YAF2: variants seen among roughly 807,000 people sequenced by gnomAD.
YAF2 encodes YY1 associated factor 2.
A neutral mutation model predicts 20.1 loss-of-function variants in YAF2; 7 were observed. That is an observed-to-expected ratio of 0.35 (90% CI 0.20 to 0.65). YAF2 has a LOEUF of 0.65. Ranked by LOEUF, YAF2 falls within the 30% of genes least tolerant of loss-of-function variation. The pLI is 0.69. For synonymous variants in YAF2, 74 were observed against 76.0 expected (o/e 0.97, Z 0.14); for missense variants, 151 against 219.2 (o/e 0.69, Z 1.96).
In YAF2 at chr12:42,162,733, T is replaced by C. The variant is rs538597494; in HGVS notation, c.153-968A>G. Among the ~76,000 whole-genome samples, 4 of 152,262 alleles carry C rather than the reference T, an allele frequency of 2.6e-5. 1 individual carries two copies. Among genetic ancestry groups the C allele is most frequent in the African/African-American group, 7.2e-5 (3 of 41,552 alleles). On this transcript the variant is annotated intron_variant, in intron 2 of 3. Transcript: ENST00000534854. ...CAACATAAAAAATAATGAGAAAATATTGTACAATCTAAGAATTAAAGCTGC... is the reference window on the plus strand; with the variant it reads ...CAACATAAAAAATAATGAGAAAATACTGTACAATCTAAGAATTAAAGCTGC...
chr12:42,222,941 T>TC (rs1723938786), intron 2 of YAF2, among the ~76,000 whole-genome samples: 2 of 151,996 alleles, frequency 1.3e-5, no homozygotes, highest in South Asian at 4.2e-4. Context: ...CAAATTCTTT[T>TC]TTTTTTTTTT....
intron 2 of YAF2, chr12:42,231,134 G>GTCATCTAT (rs2067972232): frequency 2.0e-5 from 3 of 151,872 alleles, no homozygotes; most frequent in Admixed American, 2.0e-4. Context: ...CTTAATGTGG[G>GTCATCTAT]TCATCTATCA....
chr12:42,206,297 T>TA lies in YAF2; in HGVS notation c.152+31301dup, dbSNP rs33934066. ...AATTATAATGCAATATGCTCTTAGT[T>TA]AAAAAAAAAAAAAAAAAAAAGTGAC... On this transcript the variant is annotated intron_variant, in intron 2 of 3. Coordinates refer to ENST00000534854, the MANE Select transcript of YAF2 (RefSeq NM_005748.6). Among the ~76,000 whole-genome samples, 733 of 130,942 alleles carry TA rather than the reference T, an allele frequency of 5.6e-3. 7 individuals are homozygous for TA. Among genetic ancestry groups the TA allele is most frequent in the East Asian group, 0.05 (228 of 4,522 alleles). The allele number at this position is 130,942 out of a possible 152,430, so 85.9% of individuals were successfully genotyped here.
At chr12:42,182,343 T>C (rs191233331) in intron 2 of YAF2, among the ~76,000 whole-genome samples, 4 of 152,312 alleles carry the variant, frequency 2.6e-5, no homozygotes, top group African/African-American at 9.6e-5. Flanking sequence ...ACAGGTATTT[T>C]TGCTTTACAG....
intron 2 of YAF2, among the ~76,000 whole-genome samples, chr12:42,210,064 C>A (rs78469271): frequency 6.6e-6 from 1 of 152,152 alleles, no homozygotes; most frequent in Admixed American, 6.5e-5. Context: ...TCCAAAAGTA[C>A]TGGGATTACA....
intron 2 of YAF2, among the ~76,000 whole-genome samples, chr12:42,185,397 A>C (rs908671385): frequency 1.4e-4 from 21 of 152,352 alleles, no homozygotes; most frequent in African/African-American, 5.1e-4. Flanking sequence ...ATATTACATA[A>C]ACTTAATTGA....
intron 2 of YAF2, among the ~76,000 whole-genome samples, chr12:42,172,516 C>A (rs947532008): frequency 6.6e-5 from 10 of 151,932 alleles, no homozygotes; most frequent in Non-Finnish European, 1.2e-4. Flanking sequence ...TTTTTTTAAG[C>A]GACTAGGGCA....
In YAF2 at chr12:42,237,584, A is replaced by T. The variant is rs1223881507; in HGVS notation, c.152+15T>A. 6.6e-7 allele frequency: 1 copy of T among 1,511,448 alleles called. No homozygotes were observed. Among genetic ancestry groups the T allele is most frequent in the Admixed American group, 2.3e-5 (1 of 44,104 alleles). 93.6% of individuals were successfully genotyped at this position (1,511,448 alleles called of 1,614,324 possible). On this transcript the variant is annotated intron_variant, in intron 2 of 3. Coordinates refer to ENST00000534854, the MANE Select transcript of YAF2 (RefSeq NM_005748.6). ...CCCGCCGGCCGGCGGCGCGAGGGGC[A>T]GGCCCGGGACTCACCGGGTGGAGGT...
intron 2 of YAF2, among the ~76,000 whole-genome samples, chr12:42,213,088 A>C (rs1343069192): frequency 6.6e-6 from 1 of 152,234 alleles, no homozygotes; most frequent in Non-Finnish European, 1.5e-5. Context: ...TCAAGCCTGT[A>C]ATCCCAGCAC....
At chr12:42,210,523 G>A in intron 2 of YAF2, 3 of 1,536,032 alleles carry the variant, frequency 2.0e-6, no homozygotes, top group East Asian at 2.4e-5. Flanking sequence ...AGATGCTAGA[G>A]ACATGCTTCA....
At chr12:42,218,406 T>C (rs1377887093) in intron 2 of YAF2, among the ~76,000 whole-genome samples, 1 of 152,246 alleles carries the variant, frequency 6.6e-6, no homozygotes, top group African/African-American at 2.4e-5. Flanking sequence ...CTGTTGTTAG[T>C]ATACCTTAGT....
At chr12:42,221,665 C>G (rs7136148) in intron 2 of YAF2, among the ~76,000 whole-genome samples, 22 of 152,288 alleles carry the variant, frequency 1.4e-4, no homozygotes, top group African/African-American at 5.3e-4. Context: ...TCTTACCTAT[C>G]AAGAGGATAC....
At chr12:42,165,521 T>A (rs1470139178) in intron 2 of YAF2, among the ~76,000 whole-genome samples, 1 of 152,196 alleles carries the variant, frequency 6.6e-6, no homozygotes, top group Non-Finnish European at 1.5e-5. Flanking sequence ...TGGAGTGCAG[T>A]GGCGTGATCT....
intron 2 of YAF2, 102 bp from the exon 3 acceptor site, chr12:42,161,867 A>G: frequency 9.4e-7 from 1 of 1,064,894 alleles, no homozygotes; most frequent in Non-Finnish European, 1.3e-6. Flanking sequence ...AATAACAATA[A>G]CTTTCAAGTA....
rs980073036 is a variant in YAF2, at chr12:42,234,918, T to A, written c.152+2681A>T. ...TGGGAGGATTCCTTGAACCTGGGAG[T>A]TCGAGGCTGCAGTGAGCCTGGATGA... On this transcript the variant is annotated intron_variant, in intron 2 of 3. Transcript: ENST00000534854. The A allele has an allele frequency of 5.7e-6, 5 of 872,520 alleles. No homozygotes were observed. In the African/African-American group the frequency reaches 9.1e-5, roughly 16 times the overall value. The allele number at this position is 872,520 out of a possible 1,614,324, so 54.0% of individuals were successfully genotyped here.
chr12:42,206,757 T>A (rs558781481), intron 2 of YAF2, among the ~76,000 whole-genome samples: 1 of 152,312 alleles, frequency 6.6e-6, no homozygotes, highest in East Asian at 1.9e-4. Context: ...TGCCAAATGT[T>A]ATCCCACTGT....
chr12:42,202,922 C>A (rs1016721686), intron 2 of YAF2, among the ~76,000 whole-genome samples: 7 of 152,156 alleles, frequency 4.6e-5, no homozygotes, highest in Admixed American at 3.9e-4. Flanking sequence ...CAGGCATGAG[C>A]CACCATGCCC....
At chr12:42,237,565 G>A in intron 2 of YAF2, 34 bp downstream of exon 2, 2 of 1,490,022 alleles carry the variant, frequency 1.3e-6, no homozygotes, top group South Asian at 1.3e-5. Flanking sequence ...CCACCCCGCC[G>A]GCCGGCGGCG....
chr12:42,216,141 G>C (rs1024975764), intron 2 of YAF2, among the ~76,000 whole-genome samples: 3 of 151,542 alleles, frequency 2.0e-5, no homozygotes. Context: ...TATATCCTTG[G>C]GAAACAAAGT....
Sources: allele counts gnomAD v4.1 joint callset (sites outside exome capture counted in the v4.1 genomes callset), GRCh38; gene constraint gnomAD v4.1.1; transcripts MANE v1.5; gene names NCBI Gene and HGNC (gene_info 2026-07-23, HGNC 2026-07-21).